Variants in DST observed in about 807,000 individuals in gnomAD.
DST encodes dystonin.
In DST, 253 loss-of-function variants were observed where a neutral mutation model predicts 875.2. The ratio of observed to expected loss-of-function variants is 0.29; its 90% CI spans 0.26 to 0.32. The LOEUF (loss-of-function observed/expected upper bound fraction) is 0.32. Among genes scored for constraint, DST ranks in the 10% least tolerant of loss-of-function variants. The pLI is 1.00. For missense variants in DST, 8,287 were observed against 9,111.6 expected (o/e 0.91, Z 3.68); for synonymous variants, 3,124 against 3,197.1 (o/e 0.98, Z 0.77).
intron 4 of DST, among the ~76,000 whole-genome samples, chr6:56,842,395 T>C (rs2099801220): frequency 6.6e-6 from 1 of 152,178 alleles, no homozygotes; most frequent in Non-Finnish European, 1.5e-5. Flanking sequence ...CATCATTATA[T>C]TCAACTATGA....
intron 9 of DST, among the ~76,000 whole-genome samples, chr6:56,683,957 T>C (rs2099168824): frequency 6.6e-6 from 1 of 152,238 alleles, no homozygotes; most frequent in East Asian, 1.9e-4. Context: ...TCAAAATGTC[T>C]TTTCAATAAA....
intron 61 of DST, among the ~76,000 whole-genome samples, chr6:56,548,188 TA>T (rs1293777592): frequency 1.3e-5 from 2 of 152,144 alleles, no homozygotes; most frequent in Non-Finnish European, 2.9e-5. Flanking sequence ...CTGATGAGCT[TA>T]AAAAAATGGC....
intron 4 of DST, among the ~76,000 whole-genome samples, chr6:56,782,250 G>A (rs890994781): frequency 9.8e-5 from 15 of 152,318 alleles, no homozygotes; most frequent in African/African-American, 3.4e-4. Flanking sequence ...AATGAGTGAG[G>A]GAGGATTCCC....
chr6:56,560,996 T>A (rs1260167872), intron 57 of DST, among the ~76,000 whole-genome samples: 3 of 152,126 alleles, frequency 2.0e-5, no homozygotes, highest in South Asian at 2.1e-4. Context: ...CTTCATACAT[T>A]TAGCCCTTAA....
At chr6:56,914,434 G>A (rs909483197) in intron 2 of DST, among the ~76,000 whole-genome samples, 11 of 152,134 alleles carry the variant, frequency 7.2e-5, no homozygotes, top group African/African-American at 2.2e-4. Flanking sequence ...GTCACATCCC[G>A]TCCCCCAGGC....
intron 49 of DST, among the ~76,000 whole-genome samples, chr6:56,581,216 G>A (rs748281926): frequency 2.4e-4 from 36 of 152,134 alleles, no homozygotes; most frequent in Non-Finnish European, 4.4e-4. Flanking sequence ...CAGACATAGA[G>A]AATTGGAAGT....
chr6:56,692,656 G>C (rs2099238691), intron 9 of DST: 8 of 1,289,676 alleles, frequency 6.2e-6, no homozygotes, highest in Admixed American at 2.3e-5. Flanking sequence ...TATTTCGCTT[G>C]TGTTGACATC....
chr6:56,726,457 A>C (rs1450714427), intron 5 of DST, among the ~76,000 whole-genome samples: 1 of 152,218 alleles, frequency 6.6e-6, no homozygotes, highest in Non-Finnish European at 1.5e-5. Context: ...AGAACAGCAA[A>C]GCTAATTAGT....
intron 2 of DST, among the ~76,000 whole-genome samples, chr6:56,929,727 C>T (rs1214081723): frequency 6.6e-6 from 1 of 152,008 alleles, no homozygotes; most frequent in African/African-American, 2.4e-5. Context: ...ATTTTTAATC[C>T]CCCAATTTAC....
At chr6:56,774,725 G>C (rs1230513747) in intron 4 of DST, among the ~76,000 whole-genome samples, 1 of 152,154 alleles carries the variant, frequency 6.6e-6, no homozygotes, top group East Asian at 1.9e-4. Flanking sequence ...GGGCATGATG[G>C]CTCACGCCTC....
At position 56,603,387 on chromosome 6, in the gene DST, T is replaced by C; in HGVS notation, c.10975A>G (p.Ile3659Val). 1.2e-6 allele frequency: 2 copies of C among 1,610,812 alleles called. No individual in the cohort carries two copies. Among genetic ancestry groups the C allele is most frequent in the Non-Finnish European group, 1.7e-6 (2 of 1,179,048 alleles). Residue 3659 changes from isoleucine (I) to valine (V), a missense_variant, in exon 42 of 104, where the codon ATT becomes GTT. Around this residue, in one of 10 missense-constraint regions of DST, gnomAD observed 3,138 missense variants for 3,116.6 expected, o/e 1.01. Coordinates refer to ENST00000680361, the MANE Select transcript of DST (RefSeq NM_001374736.1). ...FELGLAPIAV[I>V]LRKDMKLAEE... The stretch of plus-strand genomic sequence containing the variant: ...GCCAACTTCATATCTTTTCTTAAAA[T>C]AACAGCAATTGGAGCTAATCCCAAT...
intron 4 of DST, among the ~76,000 whole-genome samples, chr6:56,758,254 G>A (rs1433136156): frequency 1.3e-5 from 2 of 152,208 alleles, no homozygotes; most frequent in African/African-American, 4.8e-5. Context: ...CCATTGAGAT[G>A]AGAACAGAAG....
At chr6:56,671,173 A>G (rs2099099299) in intron 9 of DST, among the ~76,000 whole-genome samples, 1 of 152,232 alleles carries the variant, frequency 6.6e-6, no homozygotes, top group Non-Finnish European at 1.5e-5. Flanking sequence ...GATTTAACTC[A>G]TTTGTGTCCA....
At chr6:56,763,682 T>A (rs1274719761) in intron 4 of DST, among the ~76,000 whole-genome samples, 1 of 42,716 alleles carries the variant, frequency 2.3e-5, no homozygotes, top group Admixed American at 2.9e-4. Context: ...AAAAAATACC[T>A]ATACACACAC....
chr6:56,872,153 G>A (rs910306133), intron 3 of DST, among the ~76,000 whole-genome samples: 4 of 152,112 alleles, frequency 2.6e-5, no homozygotes, highest in Non-Finnish European at 5.9e-5. Flanking sequence ...ATACAGTAAA[G>A]GCCTGAAAAC....
Position 56,797,867 on chromosome 6 carries a change from A to G in DST, c.625+53530T>C, listed in dbSNP as rs2153016320. 2.0e-5 allele frequency among the ~76,000 whole-genome samples: 3 copies of G among 151,678 alleles called. No individual in the cohort carries two copies. The South Asian group carries it at 6.2e-4, about 32-fold the overall frequency. On this transcript the variant is annotated intron_variant, in intron 4 of 103. Coordinates refer to ENST00000680361, the MANE Select transcript of DST (RefSeq NM_001374736.1). ...CTCCAGTGAATACATGAATGATAAG[A>G]AACAGCCTTACTGCTGACGTGGAGA...
At chr6:56,483,424 C>T (rs1024537397) in intron 88 of DST, 3 of 151,238 alleles carry the variant, frequency 2.0e-5, no homozygotes, top group South Asian at 2.1e-4. Context: ...ATTCCTATAA[C>T]ACTCCTTGGT....
intron 55 of DST, among the ~76,000 whole-genome samples, chr6:56,565,125 C>CTTTT (rs540989404): frequency 8.1e-6 from 1 of 122,794 alleles, no homozygotes; most frequent in African/African-American, 3.0e-5. Flanking sequence ...TTTTTTTTTT[C>CTTTT]TTTTTTTTTT....
At chr6:56,893,569 T>C in intron 3 of DST, among the ~76,000 whole-genome samples, 1 of 70,086 alleles carries the variant, frequency 1.4e-5, no homozygotes. Context: ...GTTCTTTTTT[T>C]TTTTTTTTTT....
Sources: allele counts gnomAD v4.1 joint callset (sites outside exome capture counted in the v4.1 genomes callset), GRCh38; gene constraint gnomAD v4.1.1; regional missense constraint gnomAD v4.1.1; transcripts MANE v1.5; gene names NCBI Gene and HGNC (gene_info 2026-07-23, HGNC 2026-07-21).